Variants in DCC observed in about 807,000 individuals in gnomAD.
DCC encodes netrin receptor DCC.
A neutral mutation model predicts 172.5 loss-of-function variants in DCC; 58 were observed. That is an observed-to-expected ratio of 0.34 (90% CI 0.27 to 0.42). The LOEUF (loss-of-function observed/expected upper bound fraction) is 0.42. Ranked by LOEUF, DCC falls within the 10% of genes least tolerant of loss-of-function variation. The pLI, the probability that DCC is intolerant of heterozygous loss-of-function variation, is 1.00. For missense variants in DCC, 1,740 were observed against 1,791.0 expected (o/e 0.97, Z 0.51); for synonymous variants, 709 against 644.5 (o/e 1.10, Z -1.52).
At chr18:53,097,178 A>G (rs577072677) in intron 7 of DCC, among the ~76,000 whole-genome samples, 1 of 152,360 alleles carries the variant, frequency 6.6e-6, no homozygotes, top group South Asian at 2.1e-4. Flanking sequence ...GAGCTAATGT[A>G]GACAATCTTT....
intron 27 of DCC, among the ~76,000 whole-genome samples, chr18:53,522,506 T>G (rs913065657): frequency 1.3e-5 from 2 of 152,158 alleles, no homozygotes; most frequent in Non-Finnish European, 2.9e-5. Flanking sequence ...TCATGCTACC[T>G]GACTGCAAAC....
chr18:53,156,634 G>T (rs1381797795), intron 7 of DCC, among the ~76,000 whole-genome samples: 1 of 151,924 alleles, frequency 6.6e-6, no homozygotes. Flanking sequence ...AGTAATAACT[G>T]CCCCCAACCT....
chr18:52,724,309 G>A (rs2036519139), intron 1 of DCC, among the ~76,000 whole-genome samples: 1 of 151,982 alleles, frequency 6.6e-6, no homozygotes, highest in South Asian at 2.1e-4. Flanking sequence ...ACCACATCCT[G>A]TTATTTTATT....
rs12326519 is a variant in DCC at position 52,350,510 on chromosome 18, A to T, written c.91+9632A>T. 1.3e-3 allele frequency among the ~76,000 whole-genome samples: 190 copies of T among 151,758 alleles called. 1 individual carries two copies. Among genetic ancestry groups the T allele is most frequent in the African/African-American group, 4.4e-3 (180 of 41,352 alleles). On this transcript the variant is annotated intron_variant, in intron 1 of 28. Transcript: ENST00000442544. The stretch of plus-strand genomic sequence containing the variant: ...GACACAGGAAGGGGAACATCATCAT[A>T]CACCGGGGCCTACTGGGGAGTTGGG...
intron 11 of DCC, among the ~76,000 whole-genome samples, chr18:53,214,277 T>C (rs1388252017): frequency 1.4e-5 from 2 of 147,474 alleles, no homozygotes; most frequent in Non-Finnish European, 3.0e-5. Flanking sequence ...AAAATCAAAA[T>C]AAAAAAAAAA....
At chr18:52,961,827 T>C (rs2040847164) in intron 5 of DCC, among the ~76,000 whole-genome samples, 1 of 152,128 alleles carries the variant, frequency 6.6e-6, no homozygotes. Flanking sequence ...ATCTGATCTT[T>C]GACAAACCTG....
At chr18:52,555,482 T>C (rs1444481725) in intron 1 of DCC, among the ~76,000 whole-genome samples, 1 of 152,158 alleles carries the variant, frequency 6.6e-6, no homozygotes, top group Non-Finnish European at 1.5e-5. Context: ...CATTTTTTTC[T>C]TTTGTTATGC....
chr18:52,717,430 CTTTTTTT>C (rs59202776), intron 1 of DCC, among the ~76,000 whole-genome samples: 2,907 of 123,418 alleles, frequency 0.024, 57 homozygotes, highest in Middle Eastern at 0.075. Flanking sequence ...TTCTAAATTT[CTTTTTTT>C]TTTTTTTTTT....
intron 1 of DCC, among the ~76,000 whole-genome samples, chr18:52,385,979 C>T (rs940237532): frequency 2.6e-5 from 4 of 152,046 alleles, no homozygotes; most frequent in Admixed American, 2.6e-4. Flanking sequence ...ATATAGATAG[C>T]ACAGATGTGT....
chr18:53,099,601 A>G (rs2043134573), intron 7 of DCC, among the ~76,000 whole-genome samples: 1 of 152,126 alleles, frequency 6.6e-6, no homozygotes, highest in Non-Finnish European at 1.5e-5. Context: ...CCAGTTCTTT[A>G]ATAATAATAA....
rs567057022 is a variant in DCC at position 53,368,884 on chromosome 18, C to A, written c.2360-17159C>A. On this transcript the variant is annotated intron_variant, in intron 15 of 28. Coordinates refer to ENST00000442544, the MANE Select transcript of DCC (RefSeq NM_005215.4). ...GAAATCAAAAAGTATGCGTCTTCCC[C>A]TTTATTCTCCTTTTTCAAAATTGTT... 6.6e-5 allele frequency among the ~76,000 whole-genome samples: 10 copies of A among 151,958 alleles called. No homozygotes were observed. In the South Asian group the frequency reaches 2.1e-3, roughly 32 times the overall value.
rs151062007 is a variant in DCC at position 53,178,995 on chromosome 18, C to T, written c.1452C>T (p.Ser484=). The T allele has an allele frequency of 1.2e-6, 2 of 1,614,056 alleles. No individual in the cohort carries two copies. The highest frequency in any genetic ancestry group is 1.7e-6 in the Non-Finnish European group (2 of 1,179,978). Residue 484 remains serine, a synonymous_variant, in exon 9 of 29, where the codon TCC becomes TCT. Coordinates refer to ENST00000442544, the MANE Select transcript of DCC (RefSeq NM_005215.4). ...CATTGAATACAACACAGCCTGGGTC[C>T]CTTCAGCTCACTGTGGGAAACCTGA... The part of the protein sequence containing the change: ...ERALNTTQPG[S]LQLTVGNLKP...
chr18:53,402,210 A>AC lies in DCC; in HGVS notation c.2828-573dup, dbSNP rs549313644. On this transcript the variant is annotated intron_variant, in intron 18 of 28. Coordinates refer to ENST00000442544, the MANE Select transcript of DCC (RefSeq NM_005215.4). ...GTAATCATCCAGCGTGGCAACATAG[A>AC]CCCATCTCTACAAAAATCAAAATTA... 1.8e-4 allele frequency among the ~76,000 whole-genome samples: 27 copies of AC among 152,128 alleles called. No homozygotes were observed. The South Asian group carries it at 5.6e-3, about 32-fold the overall frequency.
At chr18:52,842,250 A>G (rs1275715672) in intron 2 of DCC, among the ~76,000 whole-genome samples, 1 of 152,138 alleles carries the variant, frequency 6.6e-6, no homozygotes, top group African/African-American at 2.4e-5. Context: ...AAACATATAT[A>G]CATAGTAGGA....
At chr18:53,081,387 A>G (rs2042800428) in intron 7 of DCC, among the ~76,000 whole-genome samples, 2 of 152,138 alleles carry the variant, frequency 1.3e-5, no homozygotes, top group African/African-American at 4.8e-5. Flanking sequence ...TGGTCACTTC[A>G]TCATTCCAAT....
intron 2 of DCC, among the ~76,000 whole-genome samples, chr18:52,817,803 A>ATATATATATATATGTGTG (rs375371359): frequency 4.6e-5 from 7 of 151,428 alleles, no homozygotes; most frequent in African/African-American, 1.7e-4. Flanking sequence ...ATATATATAT[A>ATATATATATATATGTGTG]TGTGTGTGTG....
chr18:52,541,490 C>T (rs1007832799), intron 1 of DCC, among the ~76,000 whole-genome samples: 4 of 152,008 alleles, frequency 2.6e-5, no homozygotes, highest in Non-Finnish European at 4.4e-5. Context: ...AATTCTACTC[C>T]CAGGTCCTCT....
intron 14 of DCC, among the ~76,000 whole-genome samples, chr18:53,338,099 T>C (rs1042388675): frequency 6.6e-6 from 1 of 152,242 alleles, no homozygotes; most frequent in Non-Finnish European, 1.5e-5. Flanking sequence ...AATACTTCCC[T>C]GATTTTCAAA....
rs1410337751 is a variant in DCC at position 52,576,915 on chromosome 18, C to T, written c.92-175139C>T. On this transcript the variant is annotated intron_variant, in intron 1 of 28. Coordinates refer to ENST00000442544, the MANE Select transcript of DCC (RefSeq NM_005215.4). ...TCCTTCCTGTCCTTCCTTCAATGAG[C>T]ATTATATTTGTGAACTCTACACACA... 2.0e-5 allele frequency among the ~76,000 whole-genome samples: 3 copies of T among 151,762 alleles called. No individual in the cohort carries two copies. The East Asian group carries it at 5.8e-4, about 29-fold the overall frequency.
Sources: allele counts gnomAD v4.1 joint callset (sites outside exome capture counted in the v4.1 genomes callset), GRCh38; gene constraint gnomAD v4.1.1; transcripts MANE v1.5; gene names NCBI Gene and HGNC (gene_info 2026-07-23, HGNC 2026-07-21).